The following RGS3 variants were observed in gnomAD, a reference collection of about 807,000 sequenced individuals.
RGS3 encodes regulator of G protein signaling 3, also known as regulator of G-protein signalling 3.
In RGS3, 80 loss-of-function variants were observed where a neutral mutation model predicts 132.6. The observed-to-expected ratio is 0.60, with a 90% CI of 0.50 to 0.73. RGS3 has a LOEUF of 0.73. Among genes scored for constraint, RGS3 ranks in the 30% least tolerant of loss-of-function variants. The pLI, the probability that RGS3 is intolerant of heterozygous loss-of-function variation, is 0.00. For missense variants in RGS3, 1,382 were observed against 1,530.8 expected, an observed-to-expected ratio of 0.90 and a Z score of 1.62; for synonymous variants, 598 against 620.6, an observed-to-expected ratio of 0.96 and a Z score of 0.54.
chr9:113,472,551 A>G (rs1047315442), intron 3 of RGS3, among the ~76,000 whole-genome samples: 8 of 152,222 alleles, frequency 5.3e-5, no homozygotes, highest in African/African-American at 1.2e-4. Context: ...TTCTGTTTAC[A>G]TAAGTATCCA....
intron 1 of RGS3, among the ~76,000 whole-genome samples, chr9:113,454,100 CACCAT>C (rs1311920297): frequency 1.8e-4 from 28 of 151,976 alleles, no homozygotes; most frequent in African/African-American, 6.5e-4. Flanking sequence ...AGGTGTGAGC[CACCAT>C]ACCTGGCGTA....
In RGS3 at chr9:113,507,091, A is replaced by C. The variant is rs1831161555; in HGVS notation, c.1086-196A>C. 1.3e-5 allele frequency among the ~76,000 whole-genome samples: 2 copies of C among 152,110 alleles called. No individual in the cohort carries two copies. Among genetic ancestry groups the C allele is most frequent in the South Asian group, 4.1e-4 (2 of 4,820 alleles). On this transcript the variant is annotated intron_variant, in intron 12 of 24. Coordinates refer to ENST00000350696, the Ensembl canonical transcript of RGS3. The surrounding 1 kb of genome is among the most constrained non-coding windows in gnomAD (Gnocchi z 5.0). ...TTCTCAACCACTGCCCGTCAATAGG[A>C]ATTGACCTAGGTGACCCATTTGCTG...
At chr9:113,517,582 A>C (rs929407460) in exon 16 of RGS3, 1 of 1,613,388 alleles carries the variant, frequency 6.2e-7, no homozygotes, top group African/African-American at 1.3e-5. Context: ...TCCTGCTGTC[A>C]GAGGAGCTGC....
intron 19 of RGS3, among the ~76,000 whole-genome samples, chr9:113,566,227 G>A (rs1834006495): frequency 6.6e-6 from 1 of 152,146 alleles, no homozygotes; most frequent in South Asian, 2.1e-4. Context: ...CCCTGAGACG[G>A]CCTCTGCTGA....
intron 4 of RGS3, chr9:113,482,811 G>A: frequency 2.7e-6 from 2 of 748,392 alleles, no homozygotes; most frequent in South Asian, 4.0e-5. Flanking sequence ...GTAATGCATT[G>A]GTGAGGGTGC....
rs117554970 is a variant in RGS3 at position 113,559,025 on chromosome 9, C to T, written c.2037+22107C>T. Among the ~76,000 whole-genome samples the T allele has an allele frequency of 5.6e-4, 86 of 152,356 alleles. No individual in the cohort carries two copies. The East Asian group carries it at 0.016, about 28-fold the overall frequency. On this transcript the variant is annotated intron_variant, in intron 19 of 24. Coordinates refer to ENST00000350696, the Ensembl canonical transcript of RGS3. ...GCCTTGCCCCAGGGTTCGCAGAAGG[C>T]AGCAGCAAAGTTAGCATTTCAGTCT...
At chr9:113,499,316 C>T (rs1343126751) in intron 10 of RGS3, among the ~76,000 whole-genome samples, 1 of 152,194 alleles carries the variant, frequency 6.6e-6, no homozygotes, top group East Asian at 1.9e-4. Flanking sequence ...CTTCACTGCC[C>T]GCTCTAAGGC....
intron 7 of RGS3, among the ~76,000 whole-genome samples, chr9:113,487,953 T>G (rs746990129): frequency 2.6e-5 from 4 of 152,190 alleles, no homozygotes; most frequent in Non-Finnish European, 5.9e-5. Context: ...TAAACATGTT[T>G]GCAGGGTGAA....
chr9:113,576,190 A>T (rs930879189), intron 19 of RGS3, among the ~76,000 whole-genome samples: 3 of 151,510 alleles, frequency 2.0e-5, no homozygotes, highest in Admixed American at 6.6e-5. Context: ...ACAGAGCGAG[A>T]CTCCATCTCA....
At chr9:113,583,179 G>A (rs976192978) in intron 19 of RGS3, 1 of 540,776 alleles carries the variant, frequency 1.8e-6, no homozygotes, top group Admixed American at 3.6e-5. Flanking sequence ...GCCAAAGCAG[G>A]AGCTAGATAG....
chr9:113,547,138 G>T (rs7853792), intron 19 of RGS3, among the ~76,000 whole-genome samples: 17,983 of 152,182 alleles, frequency 0.12, 1,275 homozygotes, highest in African/African-American at 0.19. Flanking sequence ...CACATAGGTG[G>T]TCCATGGAAA....
chr9:113,446,609 A>G (rs1056565307), intron 1 of RGS3, among the ~76,000 whole-genome samples: 1 of 152,226 alleles, frequency 6.6e-6, no homozygotes, highest in Non-Finnish European at 1.5e-5. Flanking sequence ...GTAAATTTAA[A>G]TGCTCCAGGG....
At chr9:113,594,807 G>A in intron 22 of RGS3, 112 bp from the exon 21 acceptor site, 1 of 1,061,548 alleles carries the variant, frequency 9.4e-7, no homozygotes, top group Non-Finnish European at 1.4e-6. Context: ...CCCCAGCTGG[G>A]CTCAGCTGCA....
chr9:113,526,359 T>G (rs1832208283), intron 17 of RGS3, among the ~76,000 whole-genome samples: 1 of 152,126 alleles, frequency 6.6e-6, no homozygotes, highest in South Asian at 2.1e-4. Context: ...GCTGGGGTGG[T>G]AGCAGTGGAA....
At chr9:113,524,755 G>A (rs1201944867) in intron 17 of RGS3, among the ~76,000 whole-genome samples, 1 of 152,260 alleles carries the variant, frequency 6.6e-6, no homozygotes, top group South Asian at 2.1e-4. Context: ...GAACCCCAGA[G>A]CTTGCTGTGA....
intron 18 of RGS3, among the ~76,000 whole-genome samples, chr9:113,533,346 C>T (rs946558220): frequency 7.9e-5 from 12 of 151,798 alleles, no homozygotes; most frequent in Admixed American, 2.0e-4. Flanking sequence ...TTCTCCTGCC[C>T]CAGCCTCCCA....
Position 113,463,597 on chromosome 9 carries a change from CGG to C in RGS3, c.415+1397_415+1398del. Reference sequence around the variant, plus strand: ...GTCGGCGGCGCCGCCTCCCCCACCCCGGCCCAGCTCTGCTCCGGCAGGTGGAA... The same window carrying C: ...GTCGGCGGCGCCGCCTCCCCCACCCCCCCAGCTCTGCTCCGGCAGGTGGAA... On this transcript the variant is annotated intron_variant, in intron 3 of 24. Coordinates refer to ENST00000350696, the Ensembl canonical transcript of RGS3. The surrounding 1 kb of genome is among the most constrained non-coding windows in gnomAD (Gnocchi z 4.6). The C allele has an allele frequency of 6.7e-6, 7 of 1,042,568 alleles. No individual in the cohort carries two copies. Among genetic ancestry groups the C allele is most frequent in the East Asian group, 7.3e-5 (2 of 27,342 alleles). 64.6% of individuals were successfully genotyped at this position (1,042,568 alleles called of 1,614,324 possible).
At chr9:113,497,236 T>C (rs1381477080) in intron 8 of RGS3, 78 bp from the exon 7 acceptor site, 7 of 1,180,088 alleles carry the variant, frequency 5.9e-6, no homozygotes, top group Non-Finnish European at 8.7e-6. Flanking sequence ...GTGGCTACTT[T>C]TGGAGGGGGA....
intron 18 of RGS3, among the ~76,000 whole-genome samples, chr9:113,534,100 C>T (rs538257619): frequency 6.6e-6 from 1 of 152,302 alleles, no homozygotes; most frequent in South Asian, 2.1e-4. Context: ...TGAAGGGTGG[C>T]ATTCCTGAGG....
Sources: gnomAD v4.1 joint callset for allele counts (sites outside exome capture counted in the v4.1 genomes callset) on GRCh38, gnomAD v4.1.1 for gene constraint, Gnocchi (gnomAD v3.1) non-coding constraint, MANE v1.5 for transcripts, NCBI Gene and HGNC (gene_info 2026-07-23, HGNC 2026-07-21) for gene names.